Variants in EPHB1 observed in about 807,000 individuals in gnomAD.
EPHB1 encodes the protein EPH receptor B1, also known as ephrin type-B receptor 1.
Under a neutral mutation model 94.4 loss-of-function variants are expected in EPHB1, and 30 were observed. The ratio of observed to expected loss-of-function variants is 0.32; its 90% CI spans 0.24 to 0.43. EPHB1 has a LOEUF of 0.43. Among genes scored for constraint, EPHB1 ranks in the 20% least tolerant of loss-of-function variants. The pLI is 1.00. For missense variants in EPHB1, 1,055 were observed against 1,308.3 expected (o/e 0.81, Z 2.99); for synonymous variants, 522 against 489.1 (o/e 1.07, Z -0.89).
chr3:135,214,015 C>T (rs962958429), intron 12 of EPHB1, among the ~76,000 whole-genome samples: 8 of 152,122 alleles, frequency 5.3e-5, no homozygotes, highest in Admixed American at 3.3e-4. Context: ...GCAGCTCCTT[C>T]CTCTTGTCTC....
At chr3:135,090,584 C>T (rs1938519251) in intron 3 of EPHB1, among the ~76,000 whole-genome samples, 1 of 152,220 alleles carries the variant, frequency 6.6e-6, no homozygotes, top group Admixed American at 6.5e-5. Context: ...GAACAAACCC[C>T]CCTGGCAACA....
intron 3 of EPHB1, among the ~76,000 whole-genome samples, chr3:134,993,049 T>G (rs1235505980): frequency 1.3e-5 from 2 of 152,116 alleles, no homozygotes; most frequent in Non-Finnish European, 2.9e-5. Context: ...CTCCTGAGAG[T>G]GCACTTGTTC....
chr3:135,093,296 G>A (rs1938623502), intron 3 of EPHB1, among the ~76,000 whole-genome samples: 1 of 152,134 alleles, frequency 6.6e-6, no homozygotes, highest in African/African-American at 2.4e-5. Context: ...CCAACTCCCA[G>A]GCCACTCCCC....
intron 3 of EPHB1, among the ~76,000 whole-genome samples, chr3:134,997,995 T>C (rs1440558769): frequency 6.6e-6 from 1 of 152,184 alleles, no homozygotes; most frequent in African/African-American, 2.4e-5. Flanking sequence ...TTCAGGGTGA[T>C]TTAATTATCT....
intron 3 of EPHB1, among the ~76,000 whole-genome samples, chr3:135,072,914 A>G (rs1268746706): frequency 6.6e-6 from 1 of 152,150 alleles, no homozygotes; most frequent in African/African-American, 2.4e-5. Context: ...GTTGGCCCCT[A>G]CATTTTCCAG....
At chr3:135,155,455 A>G (rs1463190364) in intron 6 of EPHB1, among the ~76,000 whole-genome samples, 1 of 152,076 alleles carries the variant, frequency 6.6e-6, no homozygotes, top group Non-Finnish European at 1.5e-5. Flanking sequence ...ATGCAAGCAA[A>G]TGGGGAAGTA....
At chr3:134,853,565 G>A (rs1245765730) in intron 1 of EPHB1, among the ~76,000 whole-genome samples, 1 of 152,216 alleles carries the variant, frequency 6.6e-6, no homozygotes, top group East Asian at 1.9e-4. Context: ...TTACCACTTT[G>A]GGTTGACTTT....
intron 10 of EPHB1, among the ~76,000 whole-genome samples, chr3:135,189,223 T>C (rs958994746): frequency 1.3e-5 from 2 of 152,234 alleles, no homozygotes; most frequent in African/African-American, 4.8e-5. Flanking sequence ...TGCCAGGACC[T>C]GTGCTGTATG....
chr3:134,811,562 T>G (rs2036181132), intron 1 of EPHB1, among the ~76,000 whole-genome samples: 1 of 152,076 alleles, frequency 6.6e-6, no homozygotes, highest in Non-Finnish European at 1.5e-5. Context: ...TAAGACTTTT[T>G]TTTTTTCCTG....
At chr3:134,909,989 C>T (rs2038418367) in intron 1 of EPHB1, among the ~76,000 whole-genome samples, 1 of 152,216 alleles carries the variant, frequency 6.6e-6, no homozygotes, top group African/African-American at 2.4e-5. Flanking sequence ...TCCAGCCCCA[C>T]ACAGTGTGGT....
In EPHB1 at chr3:135,238,748, T is replaced by TCA. The variant is rs3036897; in HGVS notation, c.2347-2387_2347-2386dup. Among the ~76,000 whole-genome samples, 229 of 151,050 alleles carry TCA rather than the reference T, an allele frequency of 1.5e-3. 5 individuals are homozygous for TCA. The East Asian group carries it at 0.036, about 24-fold the overall frequency. ...CTCTGTCTCTGTCTCTCTCTCTCTC[T>TCA]CACACACACACACAGTATACTAATT... is the stretch of plus-strand genomic sequence containing the variant. On this transcript the variant is annotated intron_variant, in intron 12 of 15. Transcript: ENST00000398015.
In EPHB1 at chr3:135,122,834, G is replaced by C. The variant is rs920557016; in HGVS notation, c.962-9880G>C. Among the ~76,000 whole-genome samples, 40 of 152,152 alleles carry C rather than the reference G, an allele frequency of 2.6e-4. 1 individual carries two copies. Among genetic ancestry groups the C allele is most frequent in the Admixed American group, 2.2e-3 (34 of 15,266 alleles). ...ATGCTCCTGAAATCCCTCTCAGCAGGGTCCCTCCTTGTTTTGACTAATCAT... is the reference window on the plus strand; with the variant it reads ...ATGCTCCTGAAATCCCTCTCAGCAGCGTCCCTCCTTGTTTTGACTAATCAT... On this transcript the variant is annotated intron_variant, in intron 4 of 15. Coordinates refer to ENST00000398015, the MANE Select transcript of EPHB1 (RefSeq NM_004441.5).
intron 12 of EPHB1, among the ~76,000 whole-genome samples, chr3:135,222,749 A>G (rs986818017): frequency 6.6e-6 from 1 of 152,228 alleles, no homozygotes; most frequent in African/African-American, 2.4e-5. Context: ...GTGAGATGTG[A>G]ATGCCCTCCT....
chr3:135,050,997 C>T (rs1025947674), intron 3 of EPHB1, among the ~76,000 whole-genome samples: 5 of 151,834 alleles, frequency 3.3e-5, no homozygotes, highest in African/African-American at 1.2e-4. Flanking sequence ...AGAATAGCTC[C>T]TTCTCCTGCA....
chr3:135,143,811 G>A (rs917023187), intron 5 of EPHB1, among the ~76,000 whole-genome samples: 1 of 152,310 alleles, frequency 6.6e-6, no homozygotes, highest in African/African-American at 2.4e-5. Context: ...GTCACAGAAT[G>A]CAGGTTTGCT....
chr3:134,811,252 T>TG lies in EPHB1; in HGVS notation c.58+15563_58+15564insG, dbSNP rs71637100. Reference sequence around the variant, plus strand: ...GCCCCTACTAAGAAGGTTTTTTTTTTTTTTTTTTTTTCTGTCTTGCTCTGT... The same window carrying TG: ...GCCCCTACTAAGAAGGTTTTTTTTTTGTTTTTTTTTTTCTGTCTTGCTCTGT... On this transcript the variant is annotated intron_variant, in intron 1 of 15. Transcript: ENST00000398015. 3.4e-4 allele frequency among the ~76,000 whole-genome samples: 44 copies of TG among 127,970 alleles called. 1 individual carries two copies. The Middle Eastern group carries it at 0.011, about 33-fold the overall frequency. 84.0% of individuals were successfully genotyped at this position (127,970 alleles called of 152,430 possible).
intron 10 of EPHB1, among the ~76,000 whole-genome samples, chr3:135,187,328 C>A (rs546483469): frequency 3.8e-4 from 57 of 151,760 alleles, no homozygotes; most frequent in Non-Finnish European, 7.1e-4. Context: ...AACGTTAATT[C>A]TTGAATTGCT....
intron 3 of EPHB1, among the ~76,000 whole-genome samples, chr3:135,028,231 C>G (rs1232184832): frequency 6.8e-6 from 1 of 147,142 alleles, no homozygotes; most frequent in Non-Finnish European, 1.5e-5. Context: ...TCCTTCAGTT[C>G]TGCTCTGATT....
intron 2 of EPHB1, among the ~76,000 whole-genome samples, chr3:134,928,835 G>C (rs2038849001): frequency 7.5e-6 from 1 of 134,000 alleles, no homozygotes; most frequent in Non-Finnish European, 1.7e-5. Context: ...GACTGGGAAA[G>C]AGTGGGCTGG....
Sources: allele counts gnomAD v4.1 joint callset (sites outside exome capture counted in the v4.1 genomes callset), GRCh38; gene constraint gnomAD v4.1.1; transcripts MANE v1.5; gene names NCBI Gene and HGNC (gene_info 2026-07-23, HGNC 2026-07-21).